The following LUZP2 variants were observed in gnomAD, a reference collection of about 807,000 sequenced individuals.
LUZP2 encodes leucine zipper protein 2.
In LUZP2, 52 loss-of-function variants were observed where a neutral mutation model predicts 51.6. The observed-to-expected ratio is 1.01, with a 90% confidence interval of 0.81 to 1.27. LUZP2 has a LOEUF of 1.27. Among genes scored for constraint, LUZP2 ranks in the 50% most tolerant of loss-of-function variants. LUZP2 has a pLI of 0.00. For missense variants in LUZP2, 436 were observed against 395.4 expected (o/e 1.10, Z -0.87); for synonymous variants, 154 against 137.3 (o/e 1.12, Z -0.85).
chr11:24,999,392 TGGG>T (rs1033289426), intron 9 of LUZP2, among the ~76,000 whole-genome samples: 2 of 125,068 alleles, frequency 1.6e-5, no homozygotes, highest in African/African-American at 6.2e-5. Flanking sequence ...AGCAGGAAGA[TGGG>T]GAGGAGGAGG....
At chr11:25,052,481 T>G (rs1858546884) in intron 10 of LUZP2, among the ~76,000 whole-genome samples, 1 of 152,174 alleles carries the variant, frequency 6.6e-6, no homozygotes. Flanking sequence ...TCACTAATAA[T>G]AGATTTCCCA....
intron 1 of LUZP2, among the ~76,000 whole-genome samples, chr11:24,656,641 TA>T (rs1855815584): frequency 6.6e-6 from 1 of 152,212 alleles, no homozygotes; most frequent in Admixed American, 6.5e-5. Flanking sequence ...AGTCTTATGC[TA>T]TTGTAGAACT....
chr11:24,648,635 G>C (rs1227947757), intron 1 of LUZP2, among the ~76,000 whole-genome samples: 1 of 151,922 alleles, frequency 6.6e-6, no homozygotes, highest in Non-Finnish European at 1.5e-5. Context: ...CCATGGCAAA[G>C]GAGTCAGATT....
intron 7 of LUZP2, among the ~76,000 whole-genome samples, chr11:24,966,214 T>C (rs1380240786): frequency 6.6e-6 from 1 of 151,676 alleles, no homozygotes; most frequent in Non-Finnish European, 1.5e-5. Flanking sequence ...AATGTGGTTG[T>C]TTGTATTTTT....
intron 1 of LUZP2, among the ~76,000 whole-genome samples, chr11:24,602,222 ATGTACATATATG>A (rs1346861673): frequency 2.6e-5 from 2 of 76,200 alleles, no homozygotes; most frequent in African/African-American, 7.5e-5. Context: ...ATATGTATAT[ATGTACATATATG>A]TGTATATATG....
intron 5 of LUZP2, among the ~76,000 whole-genome samples, chr11:24,773,296 G>A (rs79553517): frequency 2.0e-5 from 3 of 151,864 alleles, no homozygotes; most frequent in East Asian, 3.8e-4. Flanking sequence ...TAAAACAATC[G>A]CTAACCATGA....
At chr11:24,683,968 A>G (rs1856823623) in intron 1 of LUZP2, among the ~76,000 whole-genome samples, 1 of 152,164 alleles carries the variant, frequency 6.6e-6, no homozygotes, top group Non-Finnish European at 1.5e-5. Flanking sequence ...ACAGACTCAC[A>G]TAGCAATCAT....
intron 7 of LUZP2, among the ~76,000 whole-genome samples, chr11:24,915,330 C>G (rs1853757273): frequency 1.3e-5 from 2 of 152,176 alleles, no homozygotes; most frequent in South Asian, 4.1e-4. Context: ...CAACCCTCAA[C>G]TTACTGACTT....
At chr11:25,069,790 C>T (rs894228578) in intron 10 of LUZP2, among the ~76,000 whole-genome samples, 1 of 151,622 alleles carries the variant, frequency 6.6e-6, no homozygotes, top group African/African-American at 2.4e-5. Flanking sequence ...TTTGATTATA[C>T]TATAAATTTT....
chr11:24,635,378 G>A lies in LUZP2; in HGVS notation c.63-93791G>A, dbSNP rs146179514. ...TAAAAAATTGATTTTTGAACAACAT[G>A]TTATAAGCAACATGTAAGATTTTAA... On this transcript the variant is annotated intron_variant, in intron 1 of 11. Transcript: ENST00000336930. 2.5e-4 allele frequency among the ~76,000 whole-genome samples: 38 copies of A among 151,860 alleles called. No homozygotes were observed. In the East Asian group the frequency reaches 6.6e-3, roughly 26 times the overall value.
intron 4 of LUZP2, among the ~76,000 whole-genome samples, chr11:24,752,387 G>A (rs938591980): frequency 4.6e-5 from 7 of 152,110 alleles, no homozygotes; most frequent in African/African-American, 1.7e-4. Flanking sequence ...AAATGTTAAA[G>A]CACGTAAAGC....
chr11:24,791,957 C>CTTTT (rs34035344), intron 5 of LUZP2, among the ~76,000 whole-genome samples: 2 of 144,716 alleles, frequency 1.4e-5, no homozygotes, highest in Non-Finnish European at 3.0e-5. Context: ...TAGTGAGAGT[C>CTTTT]TTTTTTTTTT....
intron 9 of LUZP2, among the ~76,000 whole-genome samples, chr11:25,027,168 A>G (rs1012272171): frequency 8.5e-5 from 13 of 152,130 alleles, no homozygotes; most frequent in Admixed American, 7.9e-4. Context: ...AAAATAAATC[A>G]TTGCTAAATT....
chr11:24,787,809 T>G (rs544377163), intron 5 of LUZP2, among the ~76,000 whole-genome samples: 1 of 152,294 alleles, frequency 6.6e-6, no homozygotes, highest in Non-Finnish European at 1.5e-5. Flanking sequence ...ATTATTTCTT[T>G]TTTGAAATTA....
At chr11:24,594,518 T>A (rs1853366399) in intron 1 of LUZP2, among the ~76,000 whole-genome samples, 1 of 152,190 alleles carries the variant, frequency 6.6e-6, no homozygotes, top group Admixed American at 6.6e-5. Flanking sequence ...ATGAGACATG[T>A]CATCCCTGTA....
intron 1 of LUZP2, among the ~76,000 whole-genome samples, chr11:24,523,895 A>G (rs1850720657): frequency 6.6e-6 from 1 of 151,842 alleles, no homozygotes; most frequent in Non-Finnish European, 1.5e-5. Context: ...AAGAAAAAAT[A>G]AGGATTTCTT....
chr11:24,670,169 G>A (rs1397491488), intron 1 of LUZP2, among the ~76,000 whole-genome samples: 1 of 152,050 alleles, frequency 6.6e-6, no homozygotes, highest in Non-Finnish European at 1.5e-5. Flanking sequence ...AGTGTTCATA[G>A]AAGCAACACC....
chr11:24,919,745 A>T (rs894941752), intron 7 of LUZP2, among the ~76,000 whole-genome samples: 2 of 150,372 alleles, frequency 1.3e-5, no homozygotes, highest in South Asian at 2.1e-4. Context: ...TTTTTATGAA[A>T]CATTTATCTA....
chr11:25,001,006 T>C (rs980190268), intron 9 of LUZP2, among the ~76,000 whole-genome samples: 1 of 152,144 alleles, frequency 6.6e-6, no homozygotes, highest in African/African-American at 2.4e-5. Context: ...AGTAGAGGTA[T>C]TAGTTGTATG....
Sources: allele counts gnomAD v4.1 joint callset (sites outside exome capture counted in the v4.1 genomes callset), GRCh38; gene constraint gnomAD v4.1.1; transcripts MANE v1.5; gene names NCBI Gene and HGNC (gene_info 2026-07-23, HGNC 2026-07-21).